Variants in CDH13 observed in about 807,000 individuals in gnomAD.
CDH13 encodes the protein cadherin 13.
A neutral mutation model predicts 63.8 loss-of-function variants in CDH13; 24 were observed. That is an observed-to-expected ratio of 0.38 (90% confidence interval 0.27 to 0.53). The LOEUF (loss-of-function observed/expected upper bound fraction) is 0.53, where lower values mean the gene tolerates loss of function less well. CDH13 is among the 20% of genes least tolerant of loss of function. CDH13 has a pLI of 0.85. For synonymous variants in CDH13, 503 were observed against 355.3 expected, an observed-to-expected ratio of 1.42 and a Z score of -4.67; for missense variants, 1,049 against 903.1, an observed-to-expected ratio of 1.16 and a Z score of -2.07.
chr16:82,759,532 A>G (rs1017276042), intron 1 of CDH13, among the ~76,000 whole-genome samples: 2 of 150,556 alleles, frequency 1.3e-5, no homozygotes, highest in Non-Finnish European at 3.0e-5. Flanking sequence ...AGTAATATAT[A>G]CATATATGTA....
chr16:82,831,707 G>T (rs1304455067), intron 1 of CDH13, among the ~76,000 whole-genome samples: 1 of 152,174 alleles, frequency 6.6e-6, no homozygotes, highest in Non-Finnish European at 1.5e-5. Context: ...TATTTCTGCT[G>T]CTCCACATTG....
At chr16:83,518,253 C>G (rs1191143567) in intron 7 of CDH13, among the ~76,000 whole-genome samples, 2 of 151,758 alleles carry the variant, frequency 1.3e-5, no homozygotes, top group East Asian at 3.9e-4. Flanking sequence ...ATGCCATTCT[C>G]CTGCCTCAGC....
rs537683794 is a variant in CDH13, at chr16:83,171,724, C to G, written c.484-45621C>G. 7.2e-5 allele frequency among the ~76,000 whole-genome samples: 11 copies of G among 152,226 alleles called. No homozygotes were observed. The South Asian group carries it at 2.1e-3, about 29-fold the overall frequency. On this transcript the variant is annotated intron_variant, in intron 4 of 13. Transcript: ENST00000567109. ...TCCCATTTCCCCAGAACCTCTTCGT[C>G]TTTCTGAGGCATGGAGTCCCAAGCT...
intron 1 of CDH13, among the ~76,000 whole-genome samples, chr16:82,797,164 G>A (rs184098944): frequency 2.6e-5 from 4 of 152,230 alleles, no homozygotes; most frequent in East Asian, 1.9e-4. Context: ...TTTCCTATAC[G>A]TCACTCTTTC....
At chr16:83,026,362 A>G (rs1470117892) in intron 2 of CDH13, among the ~76,000 whole-genome samples, 1 of 152,200 alleles carries the variant, frequency 6.6e-6, no homozygotes, top group Non-Finnish European at 1.5e-5. Flanking sequence ...TGGGACCACG[A>G]GCTAGTCAGT....
intron 8 of CDH13, among the ~76,000 whole-genome samples, chr16:83,607,290 C>T (rs1217632230): frequency 6.6e-6 from 1 of 151,932 alleles, no homozygotes; most frequent in Non-Finnish European, 1.5e-5. Flanking sequence ...CATGGTGGCA[C>T]ATGCCTGTAA....
Position 83,755,190 on chromosome 16 carries a change from A to G in CDH13, c.1681+6940A>G, listed in dbSNP as rs575748313. ...TAGATATTCCAGAACTGAAATACAT[A>G]TTATCATATTAAAAACTCAGTAAGT... is the stretch of plus-strand genomic sequence containing the variant. On this transcript the variant is annotated intron_variant, in intron 11 of 13. Coordinates refer to ENST00000567109, the MANE Select transcript of CDH13 (RefSeq NM_001257.5). Among the ~76,000 whole-genome samples the G allele has an allele frequency of 4.0e-4, 61 of 152,336 alleles. No homozygotes were observed. In the Middle Eastern group the frequency reaches 0.014, roughly 34 times the overall value.
At chr16:83,105,402 C>T (rs539278900) in intron 3 of CDH13, among the ~76,000 whole-genome samples, 2 of 152,346 alleles carry the variant, frequency 1.3e-5, no homozygotes, top group East Asian at 3.9e-4. Flanking sequence ...CGCAGGGTGG[C>T]TGCACCATCC....
At chr16:82,647,266 C>G (rs1313324804) in intron 1 of CDH13, among the ~76,000 whole-genome samples, 2 of 152,168 alleles carry the variant, frequency 1.3e-5, no homozygotes, top group East Asian at 1.9e-4. Context: ...AAAATAGAAG[C>G]TGGATGTGTT....
chr16:82,981,490 C>T (rs1297576247), intron 2 of CDH13, among the ~76,000 whole-genome samples: 20 of 152,112 alleles, frequency 1.3e-4, no homozygotes, highest in Admixed American at 1.2e-3. Context: ...CCCCTCTGCT[C>T]TCCTCCTGGG....
chr16:83,636,357 A>C (rs1243380422), intron 8 of CDH13, among the ~76,000 whole-genome samples: 3 of 152,096 alleles, frequency 2.0e-5, no homozygotes, highest in Non-Finnish European at 4.4e-5. Context: ...GTTTGTTACG[A>C]AGGTATATTA....
intron 6 of CDH13, among the ~76,000 whole-genome samples, chr16:83,370,126 G>A (rs1361286732): frequency 5.9e-5 from 9 of 152,098 alleles, no homozygotes; most frequent in South Asian, 2.1e-4. Context: ...GGTGGCTCAC[G>A]CCTGTAATCC....
chr16:83,528,080 G>C (rs551082533), intron 7 of CDH13, among the ~76,000 whole-genome samples: 49 of 152,258 alleles, frequency 3.2e-4, no homozygotes, highest in African/African-American at 1.2e-3. Context: ...CTACACACAG[G>C]CATACCTACT....
intron 8 of CDH13, among the ~76,000 whole-genome samples, chr16:83,654,595 A>G (rs1157643822): frequency 6.6e-6 from 1 of 152,166 alleles, no homozygotes; most frequent in Admixed American, 6.5e-5. Context: ...TGAGAGTCTC[A>G]TCTGTTTCAT....
chr16:83,740,578 C>T (rs1158606439), intron 10 of CDH13, among the ~76,000 whole-genome samples: 3 of 152,152 alleles, frequency 2.0e-5, no homozygotes, highest in Non-Finnish European at 2.9e-5. Context: ...GGTCCATGTG[C>T]CATCAGAAGA....
At chr16:83,001,406 A>T (rs1158130549) in intron 2 of CDH13, among the ~76,000 whole-genome samples, 2 of 152,254 alleles carry the variant, frequency 1.3e-5, no homozygotes, top group East Asian at 1.9e-4. Context: ...TCAAGCAAAT[A>T]GTGACCAATA....
intron 3 of CDH13, among the ~76,000 whole-genome samples, chr16:83,120,172 T>C (rs4395063): frequency 0.79 from 119,329 of 152,002 alleles, 47,016 homozygotes; most frequent in Admixed American, 0.84. Context: ...GAATCAGAGC[T>C]TCCTGCTTCT....
At chr16:83,477,481 G>A (rs1193638863) in intron 6 of CDH13, among the ~76,000 whole-genome samples, 1 of 152,142 alleles carries the variant, frequency 6.6e-6, no homozygotes, top group Non-Finnish European at 1.5e-5. Context: ...GTGTTCCTAT[G>A]GGATGGCACT....
At chr16:82,985,030 C>G (rs972985962) in intron 2 of CDH13, among the ~76,000 whole-genome samples, 9 of 152,136 alleles carry the variant, frequency 5.9e-5, no homozygotes, top group Admixed American at 1.3e-4. Flanking sequence ...ATGAGCAGGA[C>G]AGCATGCATG....
Sources: allele counts gnomAD v4.1 joint callset (sites outside exome capture counted in the v4.1 genomes callset), GRCh38; gene constraint gnomAD v4.1.1; transcripts MANE v1.5; gene names NCBI Gene and HGNC (gene_info 2026-07-23, HGNC 2026-07-21).